Variants in CSMD3 observed in about 807,000 individuals in gnomAD.
CSMD3 encodes the protein CUB and sushi domain-containing protein 3.
CSMD3 carries 177 observed loss-of-function variants against 435.2 expected under a neutral mutation model. The observed-to-expected ratio is 0.41, with a 90% CI of 0.36 to 0.46. The LOEUF (loss-of-function observed/expected upper bound fraction) is 0.46. Ranked by LOEUF, CSMD3 falls within the 20% of genes least tolerant of loss-of-function variation. The pLI is 0.34. For synonymous variants in CSMD3, 1,656 were observed against 1,520.5 expected (o/e 1.09, Z -2.07); for missense variants, 4,265 against 4,504.6 (o/e 0.95, Z 1.52).
chr8:112,768,678 A>G (rs755471553), intron 13 of CSMD3, among the ~76,000 whole-genome samples: 3 of 151,934 alleles, frequency 2.0e-5, no homozygotes, highest in Non-Finnish European at 4.4e-5. Context: ...TTCCACATCA[A>G]CATGAGAACT....
intron 1 of CSMD3, among the ~76,000 whole-genome samples, chr8:113,325,976 A>G (rs2093981028): frequency 6.6e-6 from 1 of 152,244 alleles, no homozygotes; most frequent in African/African-American, 2.4e-5. Flanking sequence ...AGCAAATCCA[A>G]ATAAGAAGAC....
chr8:112,405,213 C>CATA (rs1439544983), intron 35 of CSMD3, among the ~76,000 whole-genome samples: 219 of 17,862 alleles, frequency 0.012, 4 homozygotes, highest in East Asian at 0.03. Flanking sequence ...AAAAAAACCC[C>CATA]CATATATATA....
At chr8:112,320,903 C>G (rs980640064) in intron 45 of CSMD3, among the ~76,000 whole-genome samples, 3 of 152,070 alleles carry the variant, frequency 2.0e-5, no homozygotes, top group African/African-American at 7.2e-5. Flanking sequence ...TATCAAATGT[C>G]ATGTTTCTAA....
At chr8:112,851,373 C>T (rs545985922) in intron 11 of CSMD3, among the ~76,000 whole-genome samples, 37 of 152,176 alleles carry the variant, frequency 2.4e-4, no homozygotes, top group South Asian at 8.3e-4. Context: ...CCCAGTTTCA[C>T]GTTTTTTCTC....
At chr8:112,825,410 TTTGTTG>T (rs145600692) in intron 12 of CSMD3, among the ~76,000 whole-genome samples, 53 of 152,092 alleles carry the variant, frequency 3.5e-4, no homozygotes, top group African/African-American at 1.1e-3. Context: ...TTTTCATCTT[TTTGTTG>T]TTGTTGTTGT....
At chr8:113,185,001 T>C (rs2092477827) in intron 3 of CSMD3, among the ~76,000 whole-genome samples, 1 of 152,052 alleles carries the variant, frequency 6.6e-6, no homozygotes, top group African/African-American at 2.4e-5. Context: ...CTGGTCTAGA[T>C]TGCAGGCAGC....
intron 10 of CSMD3, among the ~76,000 whole-genome samples, chr8:112,915,214 A>G (rs2082538848): frequency 6.6e-6 from 1 of 151,862 alleles, no homozygotes; most frequent in South Asian, 2.1e-4. Flanking sequence ...TCATCCTTGC[A>G]TTAAGACATT....
chr8:112,675,277 C>T (rs1299000925), intron 16 of CSMD3, among the ~76,000 whole-genome samples: 1 of 152,056 alleles, frequency 6.6e-6, no homozygotes, highest in Non-Finnish European at 1.5e-5. Context: ...GCAACTTTGC[C>T]AGTCTTAACC....
At chr8:113,178,563 T>C (rs922245380) in intron 3 of CSMD3, among the ~76,000 whole-genome samples, 1 of 151,910 alleles carries the variant, frequency 6.6e-6, no homozygotes. Flanking sequence ...ACATGTAAGT[T>C]ATACTAAAGG....
At chr8:113,125,625 A>G (rs566761068) in intron 4 of CSMD3, among the ~76,000 whole-genome samples, 83 of 152,066 alleles carry the variant, frequency 5.5e-4, no homozygotes, top group African/African-American at 1.9e-3. Flanking sequence ...ATACAGTAGT[A>G]AAGAAGAGTG....
chr8:113,405,226 C>T (rs142746803), intron 1 of CSMD3, among the ~76,000 whole-genome samples: 1 of 151,518 alleles, frequency 6.6e-6, no homozygotes, highest in African/African-American at 2.4e-5. Flanking sequence ...TTATATGCTT[C>T]TGACATTTGC....
chr8:112,826,687 G>A (rs372922432), intron 12 of CSMD3, among the ~76,000 whole-genome samples: 8 of 152,182 alleles, frequency 5.3e-5, no homozygotes, highest in East Asian at 3.9e-4. Flanking sequence ...TGGATATCTC[G>A]ATTGCCAGTG....
At chr8:113,130,785 A>T (rs1388856893) in intron 4 of CSMD3, among the ~76,000 whole-genome samples, 1 of 152,088 alleles carries the variant, frequency 6.6e-6, no homozygotes, top group African/African-American at 2.4e-5. Context: ...CTTCCTATAG[A>T]CTTGTTAAAT....
At chr8:113,019,456 T>G (rs1201965128) in intron 5 of CSMD3, among the ~76,000 whole-genome samples, 2 of 151,436 alleles carry the variant, frequency 1.3e-5, no homozygotes, top group Admixed American at 6.6e-5. Flanking sequence ...ATTTATTTAC[T>G]GCACCAATAA....
intron 32 of CSMD3, among the ~76,000 whole-genome samples, chr8:112,434,114 C>A (rs1417515929): frequency 1.3e-5 from 2 of 152,036 alleles, no homozygotes; most frequent in African/African-American, 2.4e-5. Flanking sequence ...AAAAGTTATT[C>A]CAGACAGTGT....
intron 31 of CSMD3, among the ~76,000 whole-genome samples, chr8:112,475,209 T>C (rs1797866111): frequency 6.6e-6 from 1 of 152,204 alleles, no homozygotes; most frequent in African/African-American, 2.4e-5. Flanking sequence ...TCAAGTTCAG[T>C]TCTGTAACTT....
chr8:112,865,851 A>G (rs756734784), intron 10 of CSMD3, among the ~76,000 whole-genome samples: 2 of 152,134 alleles, frequency 1.3e-5, no homozygotes, highest in South Asian at 2.1e-4. Context: ...AAGACACTCA[A>G]TGAATGAATG....
intron 4 of CSMD3, among the ~76,000 whole-genome samples, chr8:113,129,623 CAG>C (rs1297748921): frequency 3.9e-5 from 6 of 152,112 alleles, no homozygotes; most frequent in Non-Finnish European, 8.8e-5. Context: ...ACTTCATGTT[CAG>C]TTGAAAGTTA....
At position 112,534,001 on chromosome 8, in the gene CSMD3, C is replaced by A. The variant is rs180744025; in HGVS notation, c.4564+16670G>T. 3.3e-5 allele frequency among the ~76,000 whole-genome samples: 5 copies of A among 152,034 alleles called. No homozygotes were observed. In the East Asian group the frequency reaches 9.7e-4, roughly 29 times the overall value. On this transcript the variant is annotated intron_variant, in intron 27 of 70. Transcript: ENST00000297405. ...AATAACATGGAAATTAAATGACATG[C>A]TCCTGAACAACCAATGGGTCAGTGA...
Sources: allele counts gnomAD v4.1 joint callset (sites outside exome capture counted in the v4.1 genomes callset), GRCh38; gene constraint gnomAD v4.1.1; transcripts MANE v1.5; gene names NCBI Gene and HGNC (gene_info 2026-07-23, HGNC 2026-07-21).